Variants in SH3GL2 observed in about 807,000 individuals in gnomAD.
The protein encoded by SH3GL2 is endophilin-A1.
SH3GL2 carries 24 observed loss-of-function variants against 46.0 expected under a neutral mutation model. That is an observed-to-expected ratio of 0.52 (90% CI 0.38 to 0.73). SH3GL2 has a LOEUF of 0.73. Among genes scored for constraint, SH3GL2 ranks in the 30% least tolerant of loss-of-function variants. The probability of loss-of-function intolerance (pLI) is 0.00; values close to 1 mark genes in which losing one functional copy is unlikely to be tolerated. For synonymous variants in SH3GL2, 196 were observed against 147.1 expected, an observed-to-expected ratio of 1.33 and a Z score of -2.40; for missense variants, 413 against 424.2, an observed-to-expected ratio of 0.97 and a Z score of 0.23.
chr9:17,671,214 ATTTAATC>A (rs147976573), intron 1 of SH3GL2, among the ~76,000 whole-genome samples: 3,101 of 152,316 alleles, frequency 0.02, 114 homozygotes, highest in African/African-American at 0.072. Context: ...TCATTCATTT[ATTTAATC>A]TTTAATTTAT....
At chr9:17,674,505 A>T (rs10810820) in intron 1 of SH3GL2, among the ~76,000 whole-genome samples, 1 of 151,910 alleles carries the variant, frequency 6.6e-6, no homozygotes, top group Non-Finnish European at 1.5e-5. Flanking sequence ...ACCTCAAACA[A>T]TCTGCCCACC....
chr9:17,793,542 T>C (rs1824194011), intron 8 of SH3GL2, 45 bp downstream of exon 8: 4 of 1,592,284 alleles, frequency 2.5e-6, no homozygotes, highest in Non-Finnish European at 3.4e-6. Flanking sequence ...CCTTGGCATA[T>C]CCATTGGCAC....
chr9:17,735,891 T>C (rs764304547), intron 1 of SH3GL2: 26 of 220,126 alleles, frequency 1.2e-4, no homozygotes, highest in Non-Finnish European at 1.8e-4. Context: ...TACATACTTA[T>C]ACCCTGTGGG....
chr9:17,797,050 A>G lies in SH3GL2; in HGVS notation c.*1307A>G, dbSNP rs1321859880. The G allele has an allele frequency of 6.6e-6, 1 of 152,634 alleles. No homozygotes were observed. Among genetic ancestry groups the G allele is most frequent in the Admixed American group, 6.5e-5 (1 of 15,284 alleles). The allele number at this position is 152,634 out of a possible 1,614,324, so 9.5% of individuals were successfully genotyped here. A position where few individuals can be genotyped will look rare whatever the true frequency, so the allele number is the denominator to read the frequency against. On this transcript the variant is annotated 3_prime_UTR_variant, in exon 9 of 9. Coordinates refer to ENST00000380607, the MANE Select transcript of SH3GL2 (RefSeq NM_003026.5). ...AGTGGATCATGTGGAGTGAAAGGCAAATCTTACTGCTTAATGTATAAACTC... is the reference window on the plus strand; with the variant it reads ...AGTGGATCATGTGGAGTGAAAGGCAGATCTTACTGCTTAATGTATAAACTC...
intron 1 of SH3GL2, among the ~76,000 whole-genome samples, chr9:17,673,509 A>G (rs565569035): frequency 6.6e-5 from 10 of 151,992 alleles, no homozygotes; most frequent in African/African-American, 2.2e-4. Flanking sequence ...CATCTTCTAT[A>G]CGCAACCATG....
At chr9:17,708,926 A>T (rs1185286013) in intron 1 of SH3GL2, among the ~76,000 whole-genome samples, 1 of 152,008 alleles carries the variant, frequency 6.6e-6, no homozygotes, top group Non-Finnish European at 1.5e-5. Context: ...TAAGAATTCC[A>T]TTTCCAGCAT....
Position 17,585,202 on chromosome 9 carries a change from C to T in SH3GL2, c.45+5915C>T, listed in dbSNP as rs1298475553. Among the ~76,000 whole-genome samples the T allele has an allele frequency of 1.8e-4, 27 of 151,936 alleles. 1 individual carries two copies. Among genetic ancestry groups the T allele is most frequent in the African/African-American group, 4.8e-5 (2 of 41,378 alleles). On this transcript the variant is annotated intron_variant, in intron 1 of 8. Coordinates refer to ENST00000380607, the MANE Select transcript of SH3GL2 (RefSeq NM_003026.5). ...TCAGAGGAGTAGCTTGAGGCAGCGG[C>T]GAGAGAAGGGCAGGACACACTGACA...
At chr9:17,740,311 A>G (rs1822487697) in intron 1 of SH3GL2, among the ~76,000 whole-genome samples, 1 of 152,266 alleles carries the variant, frequency 6.6e-6, no homozygotes, top group South Asian at 2.1e-4. Flanking sequence ...CTGCTGTGAG[A>G]CATATACTGC....
chr9:17,594,061 A>C (rs935194475), intron 1 of SH3GL2, among the ~76,000 whole-genome samples: 2 of 152,210 alleles, frequency 1.3e-5, no homozygotes, highest in African/African-American at 4.8e-5. Flanking sequence ...CTGTGGCTAT[A>C]GTGACTTTTC....
intron 1 of SH3GL2, among the ~76,000 whole-genome samples, chr9:17,687,698 GT>G (rs1194020964): frequency 6.6e-6 from 1 of 151,244 alleles, no homozygotes; most frequent in Admixed American, 6.6e-5. Context: ...TGGTGATAAA[GT>G]TTAAGTCGAG....
At chr9:17,674,225 C>G (rs949563460) in intron 1 of SH3GL2, among the ~76,000 whole-genome samples, 3 of 152,124 alleles carry the variant, frequency 2.0e-5, no homozygotes, top group African/African-American at 7.2e-5. Context: ...AACTAAGCAG[C>G]TTAAAACAAT....
intron 3 of SH3GL2, among the ~76,000 whole-genome samples, chr9:17,781,947 A>G (rs1459550731): frequency 6.6e-6 from 1 of 152,140 alleles, no homozygotes; most frequent in East Asian, 1.9e-4. Context: ...GCAGTGAGTG[A>G]GCACTCTGAC....
chr9:17,628,728 C>G (rs1001265), intron 1 of SH3GL2, among the ~76,000 whole-genome samples: 42,985 of 151,332 alleles, frequency 0.28, 6,199 homozygotes, highest in East Asian at 0.33. Flanking sequence ...TTTTCTAGCT[C>G]AAGGGAGAAT....
rs192929602 is a variant in SH3GL2, at chr9:17,693,439, T to C, written c.46-53627T>C. On this transcript the variant is annotated intron_variant, in intron 1 of 8. Transcript: ENST00000380607. ...TTTCTAGGAGTTGCCATTACTTCTG[T>C]GTAAAATAGGGATAGAAAGTTTTTG... Among the ~76,000 whole-genome samples the C allele has an allele frequency of 3.9e-5, 6 of 152,298 alleles. No homozygotes were observed. In the East Asian group the frequency reaches 1.2e-3, roughly 29 times the overall value.
intron 1 of SH3GL2, among the ~76,000 whole-genome samples, chr9:17,667,036 A>G (rs1051757208): frequency 2.0e-5 from 3 of 152,096 alleles, no homozygotes; most frequent in South Asian, 2.1e-4. Flanking sequence ...GATAAATACA[A>G]TTTTTAGATC....
chr9:17,722,926 A>G (rs537378989), intron 1 of SH3GL2, among the ~76,000 whole-genome samples: 13 of 152,206 alleles, frequency 8.5e-5, no homozygotes, highest in South Asian at 8.3e-4. Context: ...TCTCAGCTTC[A>G]CTGCTGATCC....
chr9:17,632,771 A>T (rs111976213), intron 1 of SH3GL2, among the ~76,000 whole-genome samples: 112 of 152,306 alleles, frequency 7.4e-4, no homozygotes, highest in African/African-American at 2.5e-3. Context: ...TTCTTAACAC[A>T]TCCCGAAGAT....
rs541034838 is a variant in SH3GL2, at chr9:17,685,734, G to A, written c.46-61332G>A. Among the ~76,000 whole-genome samples, 98 of 151,880 alleles carry A rather than the reference G, an allele frequency of 6.5e-4. 1 individual carries two copies. The highest frequency in any genetic ancestry group is 2.1e-3 in the African/African-American group (87 of 41,406). On this transcript the variant is annotated intron_variant, in intron 1 of 8. Coordinates refer to ENST00000380607, the MANE Select transcript of SH3GL2 (RefSeq NM_003026.5). ...TTTCCCCATTGCTTGTTTTTCTCAG[G>A]TTTGTCAAAGATCAGATAGTTGTAG...
chr9:17,654,089 A>G (rs1175454643), intron 1 of SH3GL2, among the ~76,000 whole-genome samples: 1 of 152,174 alleles, frequency 6.6e-6, no homozygotes, highest in Non-Finnish European at 1.5e-5. Flanking sequence ...GTGTCAAGAC[A>G]CGGAGAGAGC....
Sources: gnomAD v4.1 joint callset for allele counts (sites outside exome capture counted in the v4.1 genomes callset) on GRCh38, gnomAD v4.1.1 for gene constraint, MANE v1.5 for transcripts, NCBI Gene and HGNC (gene_info 2026-07-23, HGNC 2026-07-21) for gene names.